The following PLPP5 variants were observed in gnomAD, a reference collection of about 807,000 sequenced individuals.
PLPP5 encodes diacylglycerol pyrophosphate like 1.
PLPP5 carries 29 observed loss-of-function variants against 23.6 expected under a neutral mutation model. The ratio of observed to expected loss-of-function variants is 1.23; its 90% confidence interval spans 0.92 to 1.68. The LOEUF (loss-of-function observed/expected upper bound fraction) is 1.68, where lower values mean the gene tolerates loss of function less well. Ranked by LOEUF, PLPP5 falls within the 40% of genes most tolerant of loss-of-function variation. PLPP5 has a pLI of 0.00. For missense variants in PLPP5, 315 were observed against 332.1 expected (o/e 0.95, Z 0.40); for synonymous variants, 143 against 131.3 (o/e 1.09, Z -0.61).
At chr8:38,268,027 T>A (rs1451284788) in intron 3 of PLPP5, 67 bp from the exon 4 acceptor site, 2 of 1,611,694 alleles carry the variant, frequency 1.2e-6, no homozygotes, top group African/African-American at 2.7e-5. Context: ...GGCCTCGTTA[T>A]GAGAGCAGCC....
intron 6 of PLPP5, 77 bp from the exon 7 acceptor site, chr8:38,264,681 C>T: frequency 6.9e-7 from 1 of 1,454,872 alleles, no homozygotes; most frequent in Non-Finnish European, 9.1e-7. Flanking sequence ...CATAGAGGAC[C>T]TGGCCCTCCA....
chr8:38,264,842 T>C (rs1008638518), intron 6 of PLPP5: 2 of 1,594,566 alleles, frequency 1.3e-6, no homozygotes, highest in African/African-American at 2.7e-5. Flanking sequence ...TAAGTAAGTA[T>C]AATAAGCTTT....
At position 38,263,786 on chromosome 8, in the gene PLPP5, T is replaced by C. The variant is rs1807219833; in HGVS notation, c.*658A>G. ...AGTTTTGATAATGAACTCTAGCTTCTGAGACAAGGTGGGGCTATGTAAAGG... is the reference window on the plus strand; with the variant it reads ...AGTTTTGATAATGAACTCTAGCTTCCGAGACAAGGTGGGGCTATGTAAAGG... On this transcript the variant is annotated 3_prime_UTR_variant, in exon 7 of 7. Transcript: ENST00000424479. The C allele has an allele frequency of 1.0e-6, 1 of 985,258 alleles. No homozygotes were observed. The allele number at this position is 985,258 out of a possible 1,614,324, so 61.0% of individuals were successfully genotyped here.
chr8:38,267,744 G>C (rs1308455033), intron 4 of PLPP5, 153 bp downstream of exon 4: 1 of 798,390 alleles, frequency 1.3e-6, no homozygotes, highest in Non-Finnish European at 2.0e-6. Context: ...TGAGGTATGG[G>C]GAAGGGAGTA....
chr8:38,267,520 TTAG>T, intron 4 of PLPP5, 129 bp from the exon 5 acceptor site: 1 of 1,101,494 alleles, frequency 9.1e-7, no homozygotes, highest in Non-Finnish European at 1.3e-6. Context: ...GGTAACTGGC[TTAG>T]TATAGTCACC....
intron 5 of PLPP5, chr8:38,266,853 T>A: frequency 4.3e-6 from 1 of 234,670 alleles, no homozygotes; most frequent in East Asian, 1.1e-4. Context: ...TATCAACTTG[T>A]TGATGCTTTA....
chr8:38,264,552 C>A lies in PLPP5; in HGVS notation c.687G>T (p.Arg229=). Residue 229 remains arginine, a synonymous_variant, in exon 7 of 7, where the codon CGG becomes CGT. Coordinates refer to ENST00000424479, the MANE Select transcript of PLPP5 (RefSeq NM_001102559.2). ...IGMTFAYVCY[R]QYYPPLTDAE... ...CATCAGTCAGAGGAGGATAATACTG[C>A]CGATAGCAGACATAGGCAAATGTCA... is the stretch of plus-strand genomic sequence containing the variant. 1 of 1,580,780 alleles carries A rather than the reference C, an allele frequency of 6.3e-7. No homozygotes were observed. The highest frequency in any genetic ancestry group is 1.2e-5 in the South Asian group (1 of 85,978).
intron 3 of PLPP5, 128 bp from the exon 4 acceptor site, chr8:38,268,088 A>T: frequency 6.6e-7 from 1 of 1,508,372 alleles, no homozygotes; most frequent in South Asian, 1.3e-5. Context: ...CACAAAAATA[A>T]TTAGGGTCCT....
At chr8:38,268,730 T>TAAAC (rs1808145532) in intron 2 of PLPP5, 152 bp downstream of exon 2, 2 of 1,433,448 alleles carry the variant, frequency 1.4e-6, no homozygotes, top group Admixed American at 2.9e-5. Context: ...ATCAGGATCT[T>TAAAC]AAACACTCGA....
intron 3 of PLPP5, 152 bp downstream of exon 3, chr8:38,268,219 C>G (rs1221420369): frequency 4.8e-6 from 5 of 1,048,026 alleles, no homozygotes; most frequent in Non-Finnish European, 6.8e-6. Flanking sequence ...TAACCAAGTC[C>G]CTGCAGTGCT....
At chr8:38,268,519 T>C in intron 2 of PLPP5, 58 bp from the exon 3 acceptor site, 1 of 1,542,080 alleles carries the variant, frequency 6.5e-7, no homozygotes, top group Non-Finnish European at 8.7e-7. Flanking sequence ...CTCGTGCTCC[T>C]ACAGGAAAGA....
intron 6 of PLPP5, 186 bp from the exon 7 acceptor site, chr8:38,264,790 CATT>C: frequency 6.6e-7 from 1 of 1,507,674 alleles, no homozygotes; most frequent in Non-Finnish European, 8.8e-7. Context: ...ACAGTATTAT[CATT>C]GTCAGGTTGC....
At position 38,269,202 on chromosome 8, in the gene PLPP5, G is replaced by C. The variant is rs1283298518; in HGVS notation, c.-3C>G. 30 of 1,498,682 alleles carry C rather than the reference G, an allele frequency of 2.0e-5. No individual in the cohort carries two copies. The highest frequency in any genetic ancestry group is 7.1e-6 in the Non-Finnish European group (8 of 1,131,938). 92.8% of individuals were successfully genotyped at this position (1,498,682 alleles called of 1,614,324 possible). The stretch of plus-strand genomic sequence containing the variant: ...ACCGCCGCCGCCGCCTTCCCCATCC[G>C]GCCGCGAGCTCCGAGCGACGCTGCG... On this transcript the variant is annotated 5_prime_UTR_variant, in exon 1 of 7. Coordinates refer to ENST00000424479, the MANE Select transcript of PLPP5 (RefSeq NM_001102559.2).
In PLPP5 at chr8:38,267,631, C is replaced by G. The variant is rs985078259; in HGVS notation, c.339-240G>C. The G allele has an allele frequency of 6.1e-5, 38 of 619,616 alleles. No homozygotes were observed. The East Asian group carries it at 1.0e-3, about 17-fold the overall frequency. The allele number at this position is 619,616 out of a possible 1,614,324, so 38.4% of individuals were successfully genotyped here. Reference sequence around the variant, plus strand: ...TTTTTAGGGCAAACAGCAAATGACACTGCAGCTTCAGGAGGTGCTCAAGAG... The same window carrying G: ...TTTTTAGGGCAAACAGCAAATGACAGTGCAGCTTCAGGAGGTGCTCAAGAG... On this transcript the variant is annotated intron_variant, in intron 4 of 6. Coordinates refer to ENST00000424479, the MANE Select transcript of PLPP5 (RefSeq NM_001102559.2).
Position 38,264,313 on chromosome 8 carries a change from T to G in PLPP5, c.*131A>C. The G allele has an allele frequency of 1.2e-6, 1 of 812,960 alleles. No individual in the cohort carries two copies. Among genetic ancestry groups the G allele is most frequent in the South Asian group, 2.7e-5 (1 of 37,206 alleles). 50.4% of individuals were successfully genotyped at this position (812,960 alleles called of 1,614,324 possible). A position where few individuals can be genotyped will look rare whatever the true frequency, so the allele number is the denominator to read the frequency against. Reference sequence around the variant, plus strand: ...CGGCACACAACTCCTGGCTAATTTTTGTATTTTTAGTAGAGACAGGGTTCA... The same window carrying G: ...CGGCACACAACTCCTGGCTAATTTTGGTATTTTTAGTAGAGACAGGGTTCA... On this transcript the variant is annotated 3_prime_UTR_variant, in exon 7 of 7. Transcript: ENST00000424479.
In PLPP5 at chr8:38,263,782, C is replaced by T. The variant is rs1585789298; in HGVS notation, c.*662G>A. ...ATTAAGTTTTGATAATGAACTCTAG[C>T]TTCTGAGACAAGGTGGGGCTATGTA... On this transcript the variant is annotated 3_prime_UTR_variant, in exon 7 of 7. Transcript: ENST00000424479. 1 of 985,272 alleles carries T rather than the reference C, an allele frequency of 1.0e-6. No individual in the cohort carries two copies. The highest frequency in any genetic ancestry group is 1.1e-4 in the East Asian group (1 of 8,830). The allele number at this position is 985,272 out of a possible 1,614,324, so 61.0% of individuals were successfully genotyped here. A position where few individuals can be genotyped will look rare whatever the true frequency, so the allele number is the denominator to read the frequency against.
intron 2 of PLPP5, 111 bp from the exon 3 acceptor site, chr8:38,268,572 T>C: frequency 6.8e-7 from 1 of 1,473,774 alleles, no homozygotes; most frequent in South Asian, 1.3e-5. Context: ...ACATAAGGTC[T>C]CTGAGTGCGC....
At chr8:38,268,492 T>A (rs1232849634) in intron 2 of PLPP5, 31 bp from the exon 3 acceptor site, 4 of 1,548,692 alleles carry the variant, frequency 2.6e-6, no homozygotes, top group Admixed American at 2.0e-5. Context: ...TTAAAAACAA[T>A]CCAAAAAAAA....
intron 6 of PLPP5, among the ~76,000 whole-genome samples, chr8:38,265,917 T>TA (rs1807515557): frequency 1.3e-5 from 2 of 152,236 alleles, no homozygotes; most frequent in South Asian, 4.1e-4. Context: ...AACTTGAACT[T>TA]ACAATGCTTC....
Sources: gnomAD v4.1 joint callset for allele counts (sites outside exome capture counted in the v4.1 genomes callset) on GRCh38, gnomAD v4.1.1 for gene constraint, MANE v1.5 for transcripts, NCBI Gene and HGNC (gene_info 2026-07-23, HGNC 2026-07-21) for gene names.